Variants in PLCZ1 observed in about 807,000 individuals in gnomAD.
PLCZ1 encodes 1-phosphatidylinositol 4,5-bisphosphate phosphodiesterase zeta-1.
A neutral mutation model predicts 76.8 loss-of-function variants in PLCZ1; 64 were observed. That is an observed-to-expected ratio of 0.83 (90% CI 0.68 to 1.03). The LOEUF (loss-of-function observed/expected upper bound fraction) is 1.03. Among genes scored for constraint, PLCZ1 ranks in the 50% least tolerant of loss-of-function variants. PLCZ1 has a pLI of 0.00. For synonymous variants in PLCZ1, 248 were observed against 230.8 expected, an observed-to-expected ratio of 1.07 and a Z score of -0.68; for missense variants, 751 against 713.7, an observed-to-expected ratio of 1.05 and a Z score of -0.60.
At chr12:18,696,322 C>CTCTATATATATATATATATATATATA (rs1772612270) in intron 10 of PLCZ1, 56 bp from the exon 11 acceptor site, 1 of 253,072 alleles carries the variant, frequency 4.0e-6, no homozygotes, top group African/African-American at 6.1e-5. Context: ...TAAAAAGCCA[C>CTCTATATATATATATATATATATATA]TATATATATA....
intron 5 of PLCZ1, among the ~76,000 whole-genome samples, chr12:18,717,275 A>G (rs2137494340): frequency 6.6e-6 from 1 of 152,332 alleles, no homozygotes; most frequent in African/African-American, 2.4e-5. Context: ...GGAAATTCCT[A>G]TAATGAAATT....
the PLCZ1 span, among the ~76,000 whole-genome samples, chr12:18,666,798 AC>A: frequency 6.6e-6 from 1 of 152,228 alleles, no homozygotes; most frequent in Non-Finnish European, 1.5e-5. Context: ...AGGATAGACC[AC>A]ATATTAGGTT....
chr12:18,681,279 C>T (rs144891526), downstream of PLCZ1, among the ~76,000 whole-genome samples: 1 of 152,116 alleles, frequency 6.6e-6, no homozygotes, highest in African/African-American at 2.4e-5. Context: ...TCTAGCAGAA[C>T]ACGGATGGCT....
the PLCZ1 span, among the ~76,000 whole-genome samples, chr12:18,667,968 A>T: frequency 7.2e-5 from 11 of 152,100 alleles, no homozygotes; most frequent in African/African-American, 2.7e-4. Flanking sequence ...AGGAGAAGCA[A>T]CAACAACAAA....
the PLCZ1 span, among the ~76,000 whole-genome samples, chr12:18,661,797 C>A: frequency 6.6e-6 from 1 of 151,932 alleles, no homozygotes; most frequent in African/African-American, 2.4e-5. Flanking sequence ...GATACACACC[C>A]AAAGGAATAT....
At chr12:18,724,571 A>G (rs2150729944) in intron 3 of PLCZ1, among the ~76,000 whole-genome samples, 1 of 152,272 alleles carries the variant, frequency 6.6e-6, no homozygotes, top group East Asian at 1.9e-4. Context: ...TTGTCAAATC[A>G]GATGCGGGGT....
At chr12:18,681,577 T>C (rs1952420800), downstream of PLCZ1, among the ~76,000 whole-genome samples, 1 of 152,002 alleles carries the variant, frequency 6.6e-6, no homozygotes, top group African/African-American at 2.4e-5. Context: ...GTTCAATACA[T>C]AGGGACATTA....
chr12:18,721,597 G>A (rs1269043435), intron 4 of PLCZ1, among the ~76,000 whole-genome samples: 3 of 151,734 alleles, frequency 2.0e-5, no homozygotes, highest in Non-Finnish European at 2.9e-5. Flanking sequence ...ATATTCTCTA[G>A]ATCAGTGCTA....
chr12:18,693,305 G>C (rs1303217600), intron 12 of PLCZ1: 10 of 1,533,546 alleles, frequency 6.5e-6, no homozygotes, highest in African/African-American at 2.7e-5. Context: ...TGATGAAGGT[G>C]GAAAAGGCCC....
the PLCZ1 span, among the ~76,000 whole-genome samples, chr12:18,646,281 G>A: frequency 1.3e-5 from 2 of 152,170 alleles, no homozygotes; most frequent in African/African-American, 4.8e-5. Flanking sequence ...TCCTGCATAT[G>A]TACAAGAAAA....
intron 5 of PLCZ1, among the ~76,000 whole-genome samples, chr12:18,718,129 A>G (rs754307123): frequency 1.6e-4 from 24 of 152,192 alleles, no homozygotes; most frequent in African/African-American, 2.7e-4. Context: ...AGGTGAAGCT[A>G]TAATGTTTGG....
intron 12 of PLCZ1, chr12:18,692,746 TCC>T: frequency 9.2e-7 from 1 of 1,089,832 alleles, no homozygotes; most frequent in Non-Finnish European, 1.4e-6. Context: ...TTAAAAGCTC[TCC>T]CAGGCCAAGG....
intron 5 of PLCZ1, 105 bp downstream of exon 5, chr12:18,719,326 A>T: frequency 1.7e-6 from 1 of 585,942 alleles, no homozygotes; most frequent in South Asian, 4.9e-5. Context: ...TTTGGATAAC[A>T]TGGAGAGTCT....
chr12:18,717,494 T>C (rs973808810), intron 5 of PLCZ1, among the ~76,000 whole-genome samples: 1 of 152,226 alleles, frequency 6.6e-6, no homozygotes, highest in African/African-American at 2.4e-5. Context: ...ATATCCCATA[T>C]ATGCTGATGA....
rs187878289 is a variant in PLCZ1, at chr12:18,689,532, G to T, written c.1462-1314C>A. The stretch of plus-strand genomic sequence containing the variant: ...TTCCTCTTCTTCCAACGTGGCCCAG[G>T]GAAGCCAAAATATTGGACACCCCTG... On this transcript the variant is annotated intron_variant, in intron 12 of 14. Transcript: ENST00000266505. Among the ~76,000 whole-genome samples the T allele has an allele frequency of 1.4e-3, 220 of 152,166 alleles. 2 individuals are homozygous for T. The highest frequency in any genetic ancestry group is 5.1e-3 in the African/African-American group (211 of 41,530).
downstream of PLCZ1, among the ~76,000 whole-genome samples, chr12:18,682,726 C>G (rs1952544512): frequency 6.6e-6 from 1 of 151,818 alleles, no homozygotes; most frequent in Non-Finnish European, 1.5e-5. Flanking sequence ...TTACAGGGTA[C>G]CAACTCCAGT....
chr12:18,671,483 A>G, the PLCZ1 span, among the ~76,000 whole-genome samples: 2 of 152,118 alleles, frequency 1.3e-5, no homozygotes, highest in Non-Finnish European at 2.9e-5. Flanking sequence ...AAGATCACAC[A>G]TGAGATCAGC....
intron 3 of PLCZ1, among the ~76,000 whole-genome samples, chr12:18,724,081 C>A (rs772633029): frequency 6.6e-6 from 1 of 151,914 alleles, no homozygotes; most frequent in East Asian, 1.9e-4. Context: ...TTGAACTTTA[C>A]GAGAAAAGGC....
chr12:18,716,616 G>A (rs776422081), intron 5 of PLCZ1, among the ~76,000 whole-genome samples: 27 of 152,122 alleles, frequency 1.8e-4, no homozygotes, highest in Admixed American at 4.6e-4. Flanking sequence ...TCTTGACTTC[G>A]GCTGCTAGGA....
Sources: allele counts gnomAD v4.1 joint callset (sites outside exome capture counted in the v4.1 genomes callset), GRCh38; gene constraint gnomAD v4.1.1; transcripts MANE v1.5; gene names NCBI Gene and HGNC (gene_info 2026-07-23, HGNC 2026-07-21).